NXPH1: variants seen among roughly 807,000 people sequenced by gnomAD.
NXPH1 encodes the protein neurexophilin-1.
In NXPH1, 5 loss-of-function variants were observed where a neutral mutation model predicts 23.7. The observed-to-expected ratio is 0.21, with a 90% CI of 0.11 to 0.44. NXPH1 has a LOEUF of 0.44. Ranked by LOEUF, NXPH1 falls within the 20% of genes least tolerant of loss-of-function variation. The pLI, the probability that NXPH1 is intolerant of heterozygous loss-of-function variation, is 0.99. For synonymous variants in NXPH1, 144 were observed against 122.2 expected (o/e 1.18, Z -1.18); for missense variants, 324 against 321.6 (o/e 1.01, Z -0.06).
chr7:8,549,726 G>A (rs1818249857), intron 2 of NXPH1, among the ~76,000 whole-genome samples: 1 of 151,500 alleles, frequency 6.6e-6, no homozygotes, highest in African/African-American at 2.4e-5. Context: ...CCATATATGT[G>A]TAACTAATTA....
At chr7:8,467,873 G>A (rs116632556) in intron 2 of NXPH1, among the ~76,000 whole-genome samples, 3,335 of 152,184 alleles carry the variant, frequency 0.022, 130 homozygotes, top group African/African-American at 0.077. Context: ...TTATTATCAA[G>A]CATGGCTATT....
At chr7:8,457,060 C>A (rs981111715) in intron 2 of NXPH1, among the ~76,000 whole-genome samples, 1 of 152,128 alleles carries the variant, frequency 6.6e-6, no homozygotes, top group Non-Finnish European at 1.5e-5. Context: ...ATGCTTGATA[C>A]GAGGGTTTTT....
chr7:8,650,266 A>T (rs1329054668), intron 2 of NXPH1, among the ~76,000 whole-genome samples: 2 of 152,182 alleles, frequency 1.3e-5, no homozygotes, highest in East Asian at 3.8e-4. Context: ...ATTATTTGCT[A>T]AATATGTAAA....
chr7:8,700,383 T>C (rs1438392861), intron 2 of NXPH1, among the ~76,000 whole-genome samples: 1 of 152,184 alleles, frequency 6.6e-6, no homozygotes, highest in Non-Finnish European at 1.5e-5. Flanking sequence ...GCTTCATTTC[T>C]GTCTTTCACC....
chr7:8,456,950 T>C (rs1310586025), intron 2 of NXPH1, among the ~76,000 whole-genome samples: 1 of 152,186 alleles, frequency 6.6e-6, no homozygotes, highest in Admixed American at 6.5e-5. Context: ...CTCTCTATCC[T>C]TCTTAGATTG....
intron 2 of NXPH1, among the ~76,000 whole-genome samples, chr7:8,613,697 A>G (rs1819668687): frequency 6.6e-6 from 1 of 151,954 alleles, no homozygotes; most frequent in Admixed American, 6.6e-5. Flanking sequence ...ATCATTCAAT[A>G]TCTTAAGCCT....
chr7:8,532,562 A>T (rs1817965382), intron 2 of NXPH1, among the ~76,000 whole-genome samples: 1 of 152,024 alleles, frequency 6.6e-6, no homozygotes, highest in Non-Finnish European at 1.5e-5. Context: ...CCTTTCTGGA[A>T]AAAAGTGACA....
At chr7:8,546,156 T>C (rs1818195020) in intron 2 of NXPH1, among the ~76,000 whole-genome samples, 1 of 151,434 alleles carries the variant, frequency 6.6e-6, no homozygotes, top group Non-Finnish European at 1.5e-5. Context: ...TATTTTGATG[T>C]GTTAAGTGTC....
chr7:8,635,804 A>G (rs1820210726), intron 2 of NXPH1, among the ~76,000 whole-genome samples: 1 of 152,220 alleles, frequency 6.6e-6, no homozygotes, highest in African/African-American at 2.4e-5. Context: ...GACAATTAAA[A>G]AAGTTTGGTC....
intron 2 of NXPH1, among the ~76,000 whole-genome samples, chr7:8,511,084 T>C (rs1259764998): frequency 2.6e-5 from 4 of 152,118 alleles, no homozygotes; most frequent in Non-Finnish European, 5.9e-5. Context: ...AGAGCTTGGT[T>C]TAACCTGGAA....
At chr7:8,521,242 A>C (rs1481134349) in intron 2 of NXPH1, among the ~76,000 whole-genome samples, 2 of 152,194 alleles carry the variant, frequency 1.3e-5, no homozygotes, top group Non-Finnish European at 2.9e-5. Context: ...TGCAGTTTAA[A>C]CCTGCTTGGC....
At chr7:8,635,306 T>G (rs1258156177) in intron 2 of NXPH1, among the ~76,000 whole-genome samples, 2 of 152,220 alleles carry the variant, frequency 1.3e-5, no homozygotes, top group Non-Finnish European at 2.9e-5. Flanking sequence ...TTGTTGCCTT[T>G]TGCCCTAAAA....
chr7:8,516,037 C>T (rs1030738320), intron 2 of NXPH1, among the ~76,000 whole-genome samples: 6 of 152,054 alleles, frequency 3.9e-5, no homozygotes, highest in South Asian at 2.1e-4. Flanking sequence ...ACCAAACCTT[C>T]GATTTGATTG....
chr7:8,653,574 A>G (rs1172230090), intron 2 of NXPH1, among the ~76,000 whole-genome samples: 2 of 152,206 alleles, frequency 1.3e-5, no homozygotes, highest in African/African-American at 4.8e-5. Context: ...AAGATGTTAT[A>G]CTACCTTTTT....
At chr7:8,440,571 A>G (rs1453873400) in intron 2 of NXPH1, among the ~76,000 whole-genome samples, 2 of 152,098 alleles carry the variant, frequency 1.3e-5, no homozygotes, top group Admixed American at 1.3e-4. Context: ...TTTTTGAGAT[A>G]GGTGCCCAGT....
chr7:8,453,967 T>G (rs1380266025), intron 2 of NXPH1, among the ~76,000 whole-genome samples: 3 of 152,128 alleles, frequency 2.0e-5, no homozygotes, highest in African/African-American at 7.2e-5. Flanking sequence ...TTAAATGGTC[T>G]TTCTCCTTAG....
chr7:8,599,202 A>G (rs2128626988), intron 2 of NXPH1, among the ~76,000 whole-genome samples: 1 of 152,220 alleles, frequency 6.6e-6, no homozygotes, highest in South Asian at 2.1e-4. Context: ...CCTGGAAGAG[A>G]AAATATTTGA....
rs574155703 is a variant in NXPH1, at chr7:8,555,438, C to T, written c.54+119671C>T. ...TCCTGATTCCACAAAAGAGATGACA[C>T]AGACTGCTGAGTAAAACACAGCAAG... is the stretch of plus-strand genomic sequence containing the variant. On this transcript the variant is annotated intron_variant, in intron 2 of 2. Coordinates refer to ENST00000405863, the MANE Select transcript of NXPH1 (RefSeq NM_152745.3). 3.4e-4 allele frequency among the ~76,000 whole-genome samples: 52 copies of T among 151,776 alleles called. No individual in the cohort carries two copies. The Middle Eastern group carries it at 0.027, about 79-fold the overall frequency.
intron 2 of NXPH1, among the ~76,000 whole-genome samples, chr7:8,710,608 A>C (rs1378693587): frequency 7.1e-6 from 1 of 141,126 alleles, no homozygotes; most frequent in Non-Finnish European, 1.6e-5. Context: ...GTTTTTCTAC[A>C]TGGTTGTTGA....
Sources: gnomAD v4.1 joint callset for allele counts (sites outside exome capture counted in the v4.1 genomes callset) on GRCh38, gnomAD v4.1.1 for gene constraint, MANE v1.5 for transcripts, NCBI Gene and HGNC (gene_info 2026-07-23, HGNC 2026-07-21) for gene names.